Variants in TGFBR3 observed in about 807,000 individuals in gnomAD.
The protein encoded by TGFBR3 is transforming growth factor beta receptor type 3.
A neutral mutation model predicts 87.9 loss-of-function variants in TGFBR3; 46 were observed. That is an observed-to-expected ratio of 0.52 (90% confidence interval 0.41 to 0.67). The LOEUF (loss-of-function observed/expected upper bound fraction) is 0.67. Among genes scored for constraint, TGFBR3 ranks in the 30% least tolerant of loss-of-function variants. The pLI, the probability that TGFBR3 is intolerant of heterozygous loss-of-function variation, is 0.00. For missense variants in TGFBR3, 866 were observed against 1,041.9 expected, an observed-to-expected ratio of 0.83 and a Z score of 2.32; for synonymous variants, 381 against 391.6, an observed-to-expected ratio of 0.97 and a Z score of 0.32.
At position 91,807,092 on chromosome 1, in the gene TGFBR3, C is replaced by A. The variant is rs192185865; in HGVS notation, c.62-9621G>T. Among the ~76,000 whole-genome samples the A allele has an allele frequency of 2.6e-3, 398 of 152,328 alleles. 3 individuals carry two copies. The highest frequency in any genetic ancestry group is 3.8e-3 in the Non-Finnish European group (260 of 68,038). ...ACGCCTGACGTGTACATAACATATG[C>A]TCATGTTTGTACCATCTCAAATTAC... On this transcript the variant is annotated intron_variant, in intron 2 of 16. Coordinates refer to ENST00000212355, the MANE Select transcript of TGFBR3 (RefSeq NM_003243.5).
intron 3 of TGFBR3, among the ~76,000 whole-genome samples, chr1:91,788,284 T>C (rs926273989): frequency 1.2e-4 from 18 of 152,212 alleles, no homozygotes; most frequent in Admixed American, 1.3e-4. Context: ...TAGCAGCCCT[T>C]GAGTTGTTCA....
intron 14 of TGFBR3, among the ~76,000 whole-genome samples, chr1:91,701,718 C>A (rs2100732333): frequency 6.6e-6 from 1 of 152,150 alleles, no homozygotes; most frequent in South Asian, 2.1e-4. Flanking sequence ...TACTAGGCAC[C>A]ATAGGACGGA....
At chr1:91,784,704 G>T (rs1226105484) in intron 3 of TGFBR3, among the ~76,000 whole-genome samples, 1 of 152,154 alleles carries the variant, frequency 6.6e-6, no homozygotes, top group Admixed American at 6.5e-5. Context: ...AAGAATAAGG[G>T]CGTGGGGCAA....
intron 4 of TGFBR3, among the ~76,000 whole-genome samples, chr1:91,737,597 A>G (rs186150486): frequency 1.3e-5 from 2 of 152,210 alleles, no homozygotes; most frequent in Admixed American, 1.3e-4. Flanking sequence ...GTTCTGTTAG[A>G]TTCATTTTTT....
At chr1:91,835,677 A>C (rs1450353659) in intron 2 of TGFBR3, among the ~76,000 whole-genome samples, 1 of 151,626 alleles carries the variant, frequency 6.6e-6, no homozygotes, top group East Asian at 2.0e-4. Context: ...AAATACAAAA[A>C]ATTAGCCGGG....
chr1:91,785,173 C>T (rs1674910893), intron 3 of TGFBR3, among the ~76,000 whole-genome samples: 1 of 152,242 alleles, frequency 6.6e-6, no homozygotes, highest in South Asian at 2.1e-4. Context: ...CTGATACATG[C>T]TACAACATCG....
intron 2 of TGFBR3, among the ~76,000 whole-genome samples, chr1:91,820,478 T>A (rs1676404219): frequency 1.3e-5 from 2 of 151,962 alleles, no homozygotes. Flanking sequence ...GGTCAGGAGA[T>A]CGAGACCATC....
At chr1:91,792,542 G>C (rs1348060181) in intron 3 of TGFBR3, among the ~76,000 whole-genome samples, 2 of 152,140 alleles carry the variant, frequency 1.3e-5, no homozygotes, top group Admixed American at 1.3e-4. Flanking sequence ...AATTAGATAG[G>C]TCAGAAATAG....
intron 16 of TGFBR3, among the ~76,000 whole-genome samples, chr1:91,691,619 A>C (rs1671268000): frequency 6.6e-6 from 1 of 152,270 alleles, no homozygotes; most frequent in African/African-American, 2.4e-5. Context: ...ACCAGGAAGA[A>C]GAAAGGCAGG....
intron 2 of TGFBR3, among the ~76,000 whole-genome samples, chr1:91,859,303 C>T (rs1220672061): frequency 6.6e-6 from 1 of 151,144 alleles, no homozygotes; most frequent in East Asian, 2.0e-4. Context: ...ACCCAGGCAT[C>T]AATGAAGGCA....
rs1362197677 is a variant in TGFBR3 at position 91,681,857 on chromosome 1, A to G, written c.*1882T>C. On this transcript the variant is annotated 3_prime_UTR_variant, in exon 17 of 17. Transcript: ENST00000212355. ...TAGGCAAAGCGCAATATTTTCAAAC[A>G]CAGGTAGCGTAATCTAGGTCCTCCA... 1 of 453,478 alleles carries G rather than the reference A, an allele frequency of 2.2e-6. No individual in the cohort carries two copies. The highest frequency in any genetic ancestry group is 4.4e-6 in the Non-Finnish European group (1 of 226,664). 28.1% of individuals were successfully genotyped at this position (453,478 alleles called of 1,614,324 possible). A position where few individuals can be genotyped will look rare whatever the true frequency, so the allele number is the denominator to read the frequency against.
At chr1:91,840,036 AC>A (rs897445590) in intron 2 of TGFBR3, among the ~76,000 whole-genome samples, 3 of 152,024 alleles carry the variant, frequency 2.0e-5, no homozygotes, top group Non-Finnish European at 4.4e-5. Flanking sequence ...CTGGCCAGGC[AC>A]GGTGGCTCAC....
chr1:91,730,464 G>T (rs1672726445), intron 5 of TGFBR3, among the ~76,000 whole-genome samples: 1 of 152,008 alleles, frequency 6.6e-6, no homozygotes, highest in South Asian at 2.1e-4. Flanking sequence ...TTTTCTAGGT[G>T]ATCTCAATCA....
At chr1:91,876,676 C>T (rs1678825939) in intron 1 of TGFBR3, among the ~76,000 whole-genome samples, 1 of 152,130 alleles carries the variant, frequency 6.6e-6, no homozygotes, top group Non-Finnish European at 1.5e-5. Context: ...AGCTGGGTCC[C>T]GGAACACTGG....
chr1:91,861,696 A>G (rs553990346), intron 1 of TGFBR3, 52 bp from the exon 2 acceptor site: 94 of 671,408 alleles, frequency 1.4e-4, no homozygotes, highest in African/African-American at 1.4e-3. Context: ...TCATAAACAA[A>G]CAGACACTAA....
intron 16 of TGFBR3, among the ~76,000 whole-genome samples, chr1:91,686,664 A>G (rs1671099590): frequency 6.6e-6 from 1 of 152,232 alleles, no homozygotes; most frequent in Non-Finnish European, 1.5e-5. Context: ...CATGAGGAAG[A>G]AAGTTGAATG....
intron 2 of TGFBR3, among the ~76,000 whole-genome samples, chr1:91,839,571 T>C (rs1046377218): frequency 2.6e-5 from 4 of 152,208 alleles, no homozygotes; most frequent in Admixed American, 2.0e-4. Flanking sequence ...CTCGATTTGA[T>C]GCCCTGAAAA....
At chr1:91,709,709 C>G (rs1219000350) in intron 13 of TGFBR3, among the ~76,000 whole-genome samples, 1 of 152,204 alleles carries the variant, frequency 6.6e-6, no homozygotes, top group Non-Finnish European at 1.5e-5. Flanking sequence ...ACACTCCGCA[C>G]TTTTTCTTTA....
chr1:91,786,250 AT>A (rs746908325), intron 3 of TGFBR3: 6 of 456,238 alleles, frequency 1.3e-5, no homozygotes, highest in South Asian at 9.3e-5. Flanking sequence ...AAACAAATTC[AT>A]TATGAGAGCA....
Sources: allele counts gnomAD v4.1 joint callset (sites outside exome capture counted in the v4.1 genomes callset), GRCh38; gene constraint gnomAD v4.1.1; transcripts MANE v1.5; gene names NCBI Gene and HGNC (gene_info 2026-07-23, HGNC 2026-07-21).